TBC1D32: variants seen among roughly 807,000 people sequenced by gnomAD.
TBC1D32 encodes protein broad-minded.
Under a neutral mutation model 170.3 loss-of-function variants are expected in TBC1D32, and 151 were observed. That is an observed-to-expected ratio of 0.89 (90% CI 0.78 to 1.01). TBC1D32 has a LOEUF of 1.01. Among genes scored for constraint, TBC1D32 ranks in the 50% least tolerant of loss-of-function variants. TBC1D32 has a pLI of 0.00. For missense variants in TBC1D32, 1,464 were observed against 1,457.1 expected (o/e 1.00, Z -0.08); for synonymous variants, 498 against 488.0 (o/e 1.02, Z -0.27).
chr6:121,102,774 AAAG>A (rs1223109780), intron 30 of TBC1D32, among the ~76,000 whole-genome samples: 3 of 152,160 alleles, frequency 2.0e-5, no homozygotes, highest in Non-Finnish European at 2.9e-5. Context: ...CTGCACAGCA[AAAG>A]AAACTACCAT....
chr6:121,238,735 A>ATTGG (rs1226951948), intron 20 of TBC1D32, among the ~76,000 whole-genome samples: 1 of 151,752 alleles, frequency 6.6e-6, no homozygotes, highest in Non-Finnish European at 1.5e-5. Context: ...TTTTATATTC[A>ATTGG]TTGGTTGGTT....
At chr6:121,141,809 AG>A (rs931071771) in intron 24 of TBC1D32, among the ~76,000 whole-genome samples, 19 of 152,138 alleles carry the variant, frequency 1.2e-4, no homozygotes, top group African/African-American at 4.3e-4. Flanking sequence ...AAAAAAAAAA[AG>A]TTACAGGAAA....
intron 22 of TBC1D32, among the ~76,000 whole-genome samples, chr6:121,191,398 ATTTTTAT>A (rs1479470527): frequency 3.3e-5 from 5 of 152,268 alleles, no homozygotes; most frequent in East Asian, 1.9e-4. Context: ...GAAGCTTTCA[ATTTTTAT>A]TTTTTATTTT....
intron 24 of TBC1D32, among the ~76,000 whole-genome samples, chr6:121,147,618 G>A (rs1305097755): frequency 6.6e-6 from 1 of 151,902 alleles, no homozygotes; most frequent in Non-Finnish European, 1.5e-5. Context: ...TTGAGACGGA[G>A]TCTTGCTCTG....
rs926042051 is a variant in TBC1D32, at chr6:121,239,133, A to G, written c.2301T>C (p.Asp767=). The G allele has an allele frequency of 1.2e-6, 2 of 1,605,792 alleles. No individual in the cohort carries two copies. The highest frequency in any genetic ancestry group is 1.3e-5 in the African/African-American group (1 of 74,796). The part of the protein sequence containing the change: ...ELWSNLEYGR[D]DVRVTHPRTT... The stretch of plus-strand genomic sequence containing the variant: ...TTCTGGGATGGGTTACCCTAACATC[A>G]TCTCTTCCATATTCCAGATTGGACC... Residue 767 remains aspartate (D), a synonymous_variant, in exon 20 of 32, where the codon GAT becomes GAC. Coordinates refer to ENST00000398212, the MANE Select transcript of TBC1D32 (RefSeq NM_152730.6).
At chr6:121,215,419 T>C (rs1044818917) in intron 21 of TBC1D32, among the ~76,000 whole-genome samples, 2 of 152,178 alleles carry the variant, frequency 1.3e-5, no homozygotes, top group East Asian at 3.9e-4. Flanking sequence ...GCTGGCATCA[T>C]GGCAGCCACT....
At chr6:121,110,817 C>G (rs544870788) in intron 29 of TBC1D32, among the ~76,000 whole-genome samples, 2 of 152,218 alleles carry the variant, frequency 1.3e-5, no homozygotes, top group South Asian at 4.1e-4. Flanking sequence ...ATATTAGTAG[C>G]AGCACTTAGC....
intron 31 of TBC1D32, among the ~76,000 whole-genome samples, chr6:121,087,946 G>A (rs535398820): frequency 7.2e-6 from 1 of 138,572 alleles, no homozygotes. Context: ...CAGTTACATG[G>A]GGAATTTTTT....
chr6:121,162,617 T>A (rs1235589052), intron 22 of TBC1D32, among the ~76,000 whole-genome samples: 6 of 152,086 alleles, frequency 3.9e-5, no homozygotes, highest in Non-Finnish European at 8.8e-5. Flanking sequence ...CAAACTATAT[T>A]TGTAGATGAC....
chr6:121,118,576 A>C (rs763849162), intron 26 of TBC1D32, among the ~76,000 whole-genome samples: 1 of 152,194 alleles, frequency 6.6e-6, no homozygotes, highest in Non-Finnish European at 1.5e-5. Flanking sequence ...TCTGCCTGGC[A>C]CCTAATAGTA....
Position 121,102,568 on chromosome 6 carries a change from C to T in TBC1D32, c.3465+3455G>A, listed in dbSNP as rs564749509. On this transcript the variant is annotated intron_variant, in intron 30 of 31. Coordinates refer to ENST00000398212, the MANE Select transcript of TBC1D32 (RefSeq NM_152730.6). ...AAGCTGAAACTGCATCCCTTCCTTA[C>T]ATCTTATACAAAAATTAATTCAAGA... is the stretch of plus-strand genomic sequence containing the variant. 3.3e-5 allele frequency among the ~76,000 whole-genome samples: 5 copies of T among 152,250 alleles called. 1 individual carries two copies. The highest frequency in any genetic ancestry group is 1.2e-4 in the African/African-American group (5 of 41,538).
At chr6:121,130,118 G>A (rs910787716) in intron 25 of TBC1D32, among the ~76,000 whole-genome samples, 1 of 151,984 alleles carries the variant, frequency 6.6e-6, no homozygotes, top group African/African-American at 2.4e-5. Context: ...CTAGAGACGA[G>A]ATTTTGCCCC....
chr6:121,205,145 TAA>T lies in TBC1D32; in HGVS notation c.2498_2499del (p.Leu833HisfsTer6). 2 of 1,497,152 alleles carry T rather than the reference TAA, an allele frequency of 1.3e-6. No homozygotes were observed. The highest frequency in any genetic ancestry group is 1.8e-6 in the Non-Finnish European group (2 of 1,096,536). The allele number at this position is 1,497,152 out of a possible 1,614,324, so 92.7% of individuals were successfully genotyped here. ...PTCVIDIIDR[L>X]IILNSEAKIR... The stretch of plus-strand genomic sequence containing the variant: ...ATCTTAGCTTCAGAATTCAAAATTA[TAA>T]GTCTATCAATAATATCCTGAAAAAG... On this transcript the variant is annotated frameshift_variant, in exon 22 of 32. Transcript: ENST00000398212. LOFTEE classifies it high-confidence loss of function.
intron 9 of TBC1D32, among the ~76,000 whole-genome samples, chr6:121,302,299 T>C (rs948885408): frequency 6.6e-6 from 1 of 152,182 alleles, no homozygotes; most frequent in African/African-American, 2.4e-5. Context: ...ATAGGGACTG[T>C]AGGCCCACAA....
intron 30 of TBC1D32, among the ~76,000 whole-genome samples, chr6:121,096,950 G>A (rs1175527992): frequency 6.6e-6 from 1 of 152,132 alleles, no homozygotes; most frequent in Non-Finnish European, 1.5e-5. Context: ...GTGGGGAAAG[G>A]ATTCCCTATT....
chr6:121,194,762 A>G (rs1018618577), intron 22 of TBC1D32, among the ~76,000 whole-genome samples: 5 of 152,198 alleles, frequency 3.3e-5, no homozygotes, highest in African/African-American at 1.2e-4. Context: ...CCAGCTTTAT[A>G]TCATAATCTT....
Position 121,242,246 on chromosome 6 carries a change from A to C in TBC1D32, c.2112T>G (p.Asn704Lys), listed in dbSNP as rs1797078115. The C allele has an allele frequency of 6.2e-7, 1 of 1,612,602 alleles. No homozygotes were observed. The highest frequency in any genetic ancestry group is 8.5e-7 in the Non-Finnish European group (1 of 1,179,232). The change falls in exon 18 of 32, where the codon AAT becomes AAG. Residue 704 changes from asparagine (N) to lysine (K), a missense_variant. Coordinates refer to ENST00000398212, the MANE Select transcript of TBC1D32 (RefSeq NM_152730.6). ...GATTGAATATAAATGTCACACATTC[A>C]TTGATAGCACCTGTTCTTTGAAGAA... Reference protein sequence around the residue: ...LLLLQRTGAINECVTFIFNRY... With the variant: ...LLLLQRTGAIKECVTFIFNRY...
Position 121,304,777 on chromosome 6 carries a change from G to A in TBC1D32, c.747C>T (p.Thr249=). 6.2e-7 allele frequency: 1 copy of A among 1,606,324 alleles called. No individual in the cohort carries two copies. ...QTFLLSPLHM[T]KEIYTSLAKY... is the part of the protein sequence containing the mutation. ...TACCTAAGCTTGTATAAATTTCCTT[G>A]GTCATATGTAATGGAGAAAGCAAAA... The change falls in exon 6 of 32, where the codon ACC becomes ACT. Residue 249 remains threonine (T), a synonymous_variant. Coordinates refer to ENST00000398212, the MANE Select transcript of TBC1D32 (RefSeq NM_152730.6).
chr6:121,283,741 A>G, intron 13 of TBC1D32, 77 bp downstream of exon 13: 1 of 1,163,528 alleles, frequency 8.6e-7, no homozygotes, highest in Middle Eastern at 2.8e-4. Flanking sequence ...TCAGGCACTC[A>G]AAACATCTAG....
Sources: allele counts gnomAD v4.1 joint callset (sites outside exome capture counted in the v4.1 genomes callset), GRCh38; gene constraint gnomAD v4.1.1; transcripts MANE v1.5; gene names NCBI Gene and HGNC (gene_info 2026-07-23, HGNC 2026-07-21).